AGBL1: variants seen among roughly 807,000 people sequenced by gnomAD.
The protein encoded by AGBL1 is AGBL carboxypeptidase 1.
AGBL1 carries 130 observed loss-of-function variants against 118.9 expected under a neutral mutation model. The ratio of observed to expected loss-of-function variants is 1.09; its 90% CI spans 0.95 to 1.26. The LOEUF is 1.26. Among genes scored for constraint, AGBL1 ranks in the 50% most tolerant of loss-of-function variants. The pLI is 0.00. For synonymous variants in AGBL1, 555 were observed against 478.9 expected, an observed-to-expected ratio of 1.16 and a Z score of -2.08; for missense variants, 1,584 against 1,298.1, an observed-to-expected ratio of 1.22 and a Z score of -3.38.
intron 18 of AGBL1, among the ~76,000 whole-genome samples, chr15:86,491,626 A>G (rs4517755): frequency 0.64 from 97,191 of 151,914 alleles, 32,499 homozygotes; most frequent in African/African-American, 0.83. Flanking sequence ...AAGAAAGGGT[A>G]TGGTTTTTAG....
chr15:86,497,866 A>G (rs1346573040), intron 18 of AGBL1, among the ~76,000 whole-genome samples: 1 of 151,920 alleles, frequency 6.6e-6, no homozygotes, highest in Non-Finnish European at 1.5e-5. Flanking sequence ...CTGCTAAATC[A>G]CATACCGCTA....
chr15:86,664,916 G>A (rs1181367283), intron 21 of AGBL1, among the ~76,000 whole-genome samples: 2 of 151,970 alleles, frequency 1.3e-5, no homozygotes, highest in Admixed American at 1.3e-4. Context: ...AGGAAAGAAT[G>A]AGTGGCAAAA....
chr15:86,735,630 G>GTGTT (rs551065534), intron 22 of AGBL1, among the ~76,000 whole-genome samples: 168 of 141,694 alleles, frequency 1.2e-3, no homozygotes, highest in Non-Finnish European at 1.7e-3. Flanking sequence ...GTGTGTGTGT[G>GTGTT]TGTGTATTTC....
chr15:86,780,933 G>A (rs532920860), intron 22 of AGBL1, among the ~76,000 whole-genome samples: 99 of 152,194 alleles, frequency 6.5e-4, no homozygotes, highest in African/African-American at 2.3e-3. Flanking sequence ...CTCCCAAAGT[G>A]CTAGGATTAC....
chr15:86,620,298 AC>A (rs979996540), intron 21 of AGBL1, among the ~76,000 whole-genome samples: 5 of 152,140 alleles, frequency 3.3e-5, no homozygotes, highest in African/African-American at 7.2e-5. Flanking sequence ...TTTATATAGC[AC>A]CTTTCCTCAA....
chr15:86,635,923 C>T lies in AGBL1; in HGVS notation c.2995-38350C>T, dbSNP rs150153589. On this transcript the variant is annotated intron_variant, in intron 21 of 22. Coordinates refer to ENST00000614907, the MANE Select transcript of AGBL1 (RefSeq NM_001386094.1). ...TTTTGTGTCCCAACATTGGGTGAGTCAGCACAGTTGGAGATAGGAGAGTTA... is the reference window on the plus strand; with the variant it reads ...TTTTGTGTCCCAACATTGGGTGAGTTAGCACAGTTGGAGATAGGAGAGTTA... Among the ~76,000 whole-genome samples, 22 of 152,268 alleles carry T rather than the reference C, an allele frequency of 1.4e-4. No homozygotes were observed. In the East Asian group the frequency reaches 4.1e-3, roughly 28 times the overall value.
At chr15:86,112,239 G>C (rs1270879605) in intron 1 of AGBL1, among the ~76,000 whole-genome samples, 1 of 152,080 alleles carries the variant, frequency 6.6e-6, no homozygotes, top group African/African-American at 2.4e-5. Context: ...CACAAAACTA[G>C]TCCCTGGTGT....
intron 21 of AGBL1, among the ~76,000 whole-genome samples, chr15:86,567,239 G>T (rs889976814): frequency 1.3e-5 from 2 of 152,094 alleles, no homozygotes; most frequent in Non-Finnish European, 2.9e-5. Context: ...ATACAGCCAG[G>T]GTTGAGAACC....
intron 23 of AGBL1, among the ~76,000 whole-genome samples, chr15:86,946,578 G>A (rs556305188): frequency 6.6e-6 from 1 of 152,030 alleles, no homozygotes; most frequent in Non-Finnish European, 1.5e-5. Context: ...TTGGGCGCAG[G>A]GGCTCAAGCC....
intron 3 of AGBL1, among the ~76,000 whole-genome samples, chr15:86,153,313 A>T (rs2077141339): frequency 6.6e-6 from 1 of 152,228 alleles, no homozygotes; most frequent in Admixed American, 6.5e-5. Context: ...CATATACCCC[A>T]TGGAATACTA....
chr15:86,964,027 C>G (rs1196881870), intron 23 of AGBL1, among the ~76,000 whole-genome samples: 2 of 132,460 alleles, frequency 1.5e-5, no homozygotes, highest in African/African-American at 5.7e-5. Context: ...CTCTCTCTCT[C>G]TCTCTGTGTG....
intron 22 of AGBL1, among the ~76,000 whole-genome samples, chr15:86,675,985 A>G (rs1249766124): frequency 2.0e-5 from 3 of 152,182 alleles, no homozygotes; most frequent in African/African-American, 4.8e-5. Context: ...CTTCAAATAC[A>G]ATGGCTGCTA....
chr15:86,504,476 G>GT (rs2082951854), intron 18 of AGBL1, among the ~76,000 whole-genome samples: 3 of 151,354 alleles, frequency 2.0e-5, no homozygotes, highest in Admixed American at 6.6e-5. Context: ...ATTTCTATGT[G>GT]TTTTTTGTTG....
chr15:86,578,157 G>T (rs571441114), intron 21 of AGBL1, among the ~76,000 whole-genome samples: 1 of 152,168 alleles, frequency 6.6e-6, no homozygotes, highest in Admixed American at 6.5e-5. Context: ...CTGCAGAGCC[G>T]TAAGTGCAGA....
At chr15:86,157,086 G>T (rs1383425973) in intron 4 of AGBL1, among the ~76,000 whole-genome samples, 1 of 151,982 alleles carries the variant, frequency 6.6e-6, no homozygotes, top group Non-Finnish European at 1.5e-5. Context: ...CACTGTGCCT[G>T]GCCACAATAA....
intron 21 of AGBL1, among the ~76,000 whole-genome samples, chr15:86,624,887 G>A (rs569128207): frequency 6.6e-6 from 1 of 152,282 alleles, no homozygotes; most frequent in East Asian, 1.9e-4. Flanking sequence ...CAGCCCAGCT[G>A]CTCAAAAATC....
In AGBL1 at chr15:86,257,952, T is replaced by G. The variant is rs1357585163; in HGVS notation, c.902-12T>G. The G allele has an allele frequency of 6.2e-7, 1 of 1,612,374 alleles. No homozygotes were observed. The highest frequency in any genetic ancestry group is 8.5e-7 in the Non-Finnish European group (1 of 1,179,420). ...GAAACTTCACTTATTTCACCTCTTT[T>G]TCCCCATCCAGAGGATTTTGAAGAT... On this transcript the variant is annotated splice_polypyrimidine_tract_variant and intron_variant, in intron 8 of 22. Coordinates refer to ENST00000614907, the MANE Select transcript of AGBL1 (RefSeq NM_001386094.1).
chr15:86,327,349 T>C (rs187919593), intron 17 of AGBL1, among the ~76,000 whole-genome samples: 2 of 152,328 alleles, frequency 1.3e-5, no homozygotes, highest in Admixed American at 1.3e-4. Context: ...AAACACTAGG[T>C]AATGATTTTG....
At chr15:86,714,359 T>TGG (rs1364173902) in intron 22 of AGBL1, among the ~76,000 whole-genome samples, 1 of 151,990 alleles carries the variant, frequency 6.6e-6, no homozygotes, top group African/African-American at 2.4e-5. Context: ...AACACAAGGA[T>TGG]GGGAAGCACA....
Sources: allele counts gnomAD v4.1 joint callset (sites outside exome capture counted in the v4.1 genomes callset), GRCh38; gene constraint gnomAD v4.1.1; transcripts MANE v1.5; gene names NCBI Gene and HGNC (gene_info 2026-07-23, HGNC 2026-07-21).